Variants in RDH12 observed in about 807,000 individuals in gnomAD.
RDH12 encodes the protein retinol dehydrogenase 12, also known as all-trans and 9-cis retinol dehydrogenase.
Under a neutral mutation model 34.0 loss-of-function variants are expected in RDH12, and 21 were observed. The ratio of observed to expected loss-of-function variants is 0.62; its 90% CI spans 0.44 to 0.89. The LOEUF (loss-of-function observed/expected upper bound fraction) is 0.89. RDH12 is among the 40% of genes least tolerant of loss of function. The pLI is 0.00. For synonymous variants in RDH12, 198 were observed against 169.9 expected (o/e 1.17, Z -1.29); for missense variants, 394 against 398.6 (o/e 0.99, Z 0.10).
chr14:67,722,335 TA>T (rs1347237297), intron 2 of RDH12, 88 bp from the exon 3 acceptor site: 1 of 485,344 alleles, frequency 2.1e-6, no homozygotes, highest in African/African-American at 2.0e-5. Flanking sequence ...ATGGGGGGTT[TA>T]GGGGGTACTT....
At chr14:67,727,794 A>G (rs1169425208) in intron 7 of RDH12, 2 of 160,604 alleles carry the variant, frequency 1.2e-5, no homozygotes, top group African/African-American at 4.8e-5. Flanking sequence ...GTCCAAGGAA[A>G]TGGCCAGCTA....
rs2038134513 is a variant in RDH12 at position 67,722,442 on chromosome 14, G to T, written c.-201G>T. The T allele has an allele frequency of 4.6e-6, 3 of 653,152 alleles. No individual in the cohort carries two copies. In the East Asian group the frequency reaches 8.2e-5, roughly 18 times the overall value. The allele number at this position is 653,152 out of a possible 1,614,324, so 40.5% of individuals were successfully genotyped here. On this transcript the variant is annotated 5_prime_UTR_variant, in exon 3 of 9. Transcript: ENST00000551171. ...CCACCAGGACTACATCTCCCAGCAGGCTGTGCTCTGACAGCTCTTGGATTT... is the reference window on the plus strand; with the variant it reads ...CCACCAGGACTACATCTCCCAGCAGTCTGTGCTCTGACAGCTCTTGGATTT...
In RDH12 at chr14:67,733,878, C is replaced by A. The variant is rs757823927; in HGVS notation, c.*30C>A. On this transcript the variant is annotated 3_prime_UTR_variant, in exon 9 of 9. Transcript: ENST00000551171. ...TGGAAGAGCTGCAGCTTTATCAGGC[C>A]CAATCCATGCCATAATGAACAGGGA... The A allele has an allele frequency of 2.0e-6, 3 of 1,494,770 alleles. No homozygotes were observed. Among genetic ancestry groups the A allele is most frequent in the Non-Finnish European group, 2.8e-6 (3 of 1,073,086 alleles). 92.6% of individuals were successfully genotyped at this position (1,494,770 alleles called of 1,614,324 possible).
At chr14:67,725,986 G>C (rs2038180579) in intron 5 of RDH12, 65 bp from the exon 6 acceptor site, 1 of 1,061,730 alleles carries the variant, frequency 9.4e-7, no homozygotes, top group African/African-American at 1.6e-5. Context: ...CAATTATGCA[G>C]GTCTGTTACA....
chr14:67,725,973 G>T, intron 5 of RDH12, 78 bp from the exon 6 acceptor site: 1 of 946,798 alleles, frequency 1.1e-6, no homozygotes, highest in Admixed American at 1.7e-5. Context: ...CAAAGGGAAA[G>T]GGCAATTATG....
chr14:67,726,743 A>T (rs1870045557), intron 6 of RDH12, among the ~76,000 whole-genome samples: 1 of 152,216 alleles, frequency 6.6e-6, no homozygotes, highest in South Asian at 2.1e-4. Flanking sequence ...AGGTGGGTCA[A>T]GGGCAGAGGT....
chr14:67,726,159 A>G lies in RDH12; in HGVS notation c.448+4A>G, dbSNP rs987481207. ...CACCTGGGAGTCAACCACCTGGGTA[A>G]GTATCTTTGGGTGACTAAAAAATGA... On this transcript the variant is annotated splice_donor_region_variant and intron_variant, in intron 6 of 8. Transcript: ENST00000551171. 1 of 1,577,676 alleles carries G rather than the reference A, an allele frequency of 6.3e-7. No individual in the cohort carries two copies. The highest frequency in any genetic ancestry group is 8.7e-7 in the Non-Finnish European group (1 of 1,146,774).
chr14:67,703,178 A>C (rs1314071519), intron 1 of RDH12, among the ~76,000 whole-genome samples: 1 of 152,232 alleles, frequency 6.6e-6, no homozygotes, highest in Non-Finnish European at 1.5e-5. Flanking sequence ...TCACCAGTTT[A>C]TAAAAGATAG....
At chr14:67,712,862 C>T (rs896694501) in intron 1 of RDH12, among the ~76,000 whole-genome samples, 1 of 152,006 alleles carries the variant, frequency 6.6e-6, no homozygotes, top group Non-Finnish European at 1.5e-5. Context: ...GAAAATAAAG[C>T]CCCTTTAGTA....
rs1221145439 is a variant in RDH12, at chr14:67,726,155, G to A, written c.448G>A (p.Gly150Ser). 2.5e-6 allele frequency: 4 copies of A among 1,589,394 alleles called. No individual in the cohort carries two copies. In the South Asian group the frequency reaches 4.4e-5, roughly 18 times the overall value. ...AACCCACCTGGGAGTCAACCACCTG[G>A]GTAAGTATCTTTGGGTGACTAAAAA... Reference protein sequence around the residue: ...FETHLGVNHLGHFLLTYLLLE... With the variant: ...FETHLGVNHLSHFLLTYLLLE... The change falls in exon 6 of 9, where the codon GGC (glycine) becomes AGC (serine). Residue 150 changes from glycine to serine, a missense_variant and splice_region_variant. Gly to Ser is a moderately conservative substitution (Grantham distance 56, BLOSUM62 0). Transcript: ENST00000551171.
intron 1 of RDH12, among the ~76,000 whole-genome samples, chr14:67,712,493 C>CAAAAAAAAAAAAAAAAAAAAAAAAAAA (rs79758974): frequency 5.1e-5 from 2 of 38,930 alleles, no homozygotes; most frequent in Non-Finnish European, 7.5e-5. Flanking sequence ...AAAAAACTTG[C>CAAAAAAAAAAAAAAAAAAAAAAAAAAA]AAAAAAAAAA....
In RDH12 at chr14:67,708,995, G is replaced by A. The variant is rs571551087; in HGVS notation, c.-275+7060G>A. Among the ~76,000 whole-genome samples the A allele has an allele frequency of 2.6e-5, 4 of 152,230 alleles. No homozygotes were observed. In the East Asian group the frequency reaches 7.7e-4, roughly 29 times the overall value. ...TTTAGTAAAGATGGGGTTTCACCAC[G>A]TTGGCCAGGATGGTCTCGATCTTTT... On this transcript the variant is annotated intron_variant, in intron 1 of 8. Transcript: ENST00000551171.
intron 7 of RDH12, among the ~76,000 whole-genome samples, chr14:67,728,900 G>C (rs547047483): frequency 8.5e-5 from 13 of 152,234 alleles, no homozygotes; most frequent in Admixed American, 3.9e-4. Context: ...ACTACATGTT[G>C]TCATGTTTAT....
intron 1 of RDH12, among the ~76,000 whole-genome samples, chr14:67,718,476 T>G (rs570909526): frequency 6.6e-6 from 1 of 152,346 alleles, no homozygotes; most frequent in Non-Finnish European, 1.5e-5. Flanking sequence ...GCTTCCCAGC[T>G]CTGCTTCATA....
intron 1 of RDH12, among the ~76,000 whole-genome samples, chr14:67,715,665 C>A (rs116881639): frequency 0.014 from 2,186 of 152,290 alleles, 29 homozygotes; most frequent in Non-Finnish European, 0.022. Context: ...TTGTAAGTAT[C>A]TTCTGAAGGA....
intron 1 of RDH12, among the ~76,000 whole-genome samples, chr14:67,713,315 A>C (rs766610621): frequency 2.7e-5 from 4 of 149,740 alleles, no homozygotes; most frequent in Non-Finnish European, 5.9e-5. Context: ...AAGTGAGCTC[A>C]AACTCCATAA....
intron 1 of RDH12, chr14:67,714,982 A>G (rs2038052132): frequency 6.6e-6 from 1 of 152,294 alleles, no homozygotes; most frequent in Non-Finnish European, 1.5e-5. Context: ...TAAAGGCAAG[A>G]TTCTTGCTGA....
chr14:67,726,235 G>A (rs1444927756), intron 6 of RDH12, 80 bp downstream of exon 6: 1 of 888,380 alleles, frequency 1.1e-6, no homozygotes, highest in Non-Finnish European at 1.9e-6. Flanking sequence ...TAAATGTGGA[G>A]AATGTCCAGG....
rs1487124240 is a variant in RDH12 at position 67,729,213 on chromosome 14, A to G, written c.681A>G (p.Ala227=). 9.9e-6 allele frequency: 16 copies of G among 1,612,442 alleles called. No homozygotes were observed. The highest frequency in any genetic ancestry group is 1.4e-5 in the Non-Finnish European group (16 of 1,180,000). Residue 227 remains alanine (A), a synonymous_variant, in exon 8 of 9, where the codon GCA becomes GCG. Coordinates refer to ENST00000551171, the MANE Select transcript of RDH12 (RefSeq NM_152443.3). ...CAGGCACCGGGGTCACCACCTACGC[A>G]GTGCACCCAGGCGTCGTCCGCTCTG... ...RLQGTGVTTY[A]VHPGVVRSEL...
Sources: gnomAD v4.1 joint callset for allele counts (sites outside exome capture counted in the v4.1 genomes callset) on GRCh38, gnomAD v4.1.1 for gene constraint, MANE v1.5 for transcripts, NCBI Gene and HGNC (gene_info 2026-07-23, HGNC 2026-07-21) for gene names.